The following MYO3B variants were observed in gnomAD, a reference collection of about 807,000 sequenced individuals.
MYO3B encodes myosin IIIB.
A neutral mutation model predicts 174.6 loss-of-function variants in MYO3B; 156 were observed. The observed-to-expected ratio is 0.89, with a 90% CI of 0.78 to 1.02. The LOEUF (loss-of-function observed/expected upper bound fraction) is 1.02, where lower values mean the gene tolerates loss of function less well. Ranked by LOEUF, MYO3B falls within the 50% of genes least tolerant of loss-of-function variation. The probability of loss-of-function intolerance (pLI) is 0.00; values close to 1 mark genes in which losing one functional copy is unlikely to be tolerated. For missense variants in MYO3B, 1,632 were observed against 1,639.4 expected, an observed-to-expected ratio of 1.00 and a Z score of 0.08; for synonymous variants, 563 against 569.1, an observed-to-expected ratio of 0.99 and a Z score of 0.15.
At chr2:170,344,018 C>T (rs2093996892) in intron 8 of MYO3B, among the ~76,000 whole-genome samples, 1 of 152,240 alleles carries the variant, frequency 6.6e-6, no homozygotes, top group Non-Finnish European at 1.5e-5. Context: ...GGCAGGGCCA[C>T]ATGGCAGCCA....
chr2:170,400,654 C>CG (rs778697292), intron 17 of MYO3B, among the ~76,000 whole-genome samples: 6 of 141,616 alleles, frequency 4.2e-5, no homozygotes, highest in Non-Finnish European at 6.0e-5. Context: ...CCACCCCCCC[C>CG]CCCTCGGCCT....
intron 7 of MYO3B, among the ~76,000 whole-genome samples, chr2:170,292,371 T>C (rs1344471608): frequency 6.6e-6 from 1 of 152,186 alleles, no homozygotes; most frequent in Non-Finnish European, 1.5e-5. Context: ...AAACTGCAAT[T>C]TTGAATTCCT....
At chr2:170,331,063 G>C (rs1201371515) in intron 7 of MYO3B, among the ~76,000 whole-genome samples, 1 of 152,174 alleles carries the variant, frequency 6.6e-6, no homozygotes, top group Non-Finnish European at 1.5e-5. Flanking sequence ...AAATTAGGGA[G>C]AGTATTCTAA....
chr2:170,594,825 GCGCACACACACA>G (rs1460186058), intron 32 of MYO3B, among the ~76,000 whole-genome samples: 4 of 132,640 alleles, frequency 3.0e-5, no homozygotes, highest in African/African-American at 1.2e-4. Flanking sequence ...TTCCCAGCGC[GCGCACACACACA>G]CACACACACA....
intron 7 of MYO3B, among the ~76,000 whole-genome samples, chr2:170,282,033 A>G (rs954862754): frequency 6.6e-6 from 1 of 152,046 alleles, no homozygotes; most frequent in Admixed American, 6.6e-5. Context: ...TTTTGCAAAT[A>G]TTTTCTCCCA....
chr2:170,247,135 G>A (rs749808277), intron 7 of MYO3B, among the ~76,000 whole-genome samples: 2 of 152,164 alleles, frequency 1.3e-5, no homozygotes, highest in East Asian at 1.9e-4. Flanking sequence ...GGAGCTCTAC[G>A]TTTCTTCTCT....
At chr2:170,423,006 A>G in intron 22 of MYO3B, among the ~76,000 whole-genome samples, 1 of 99,964 alleles carries the variant, frequency 1.0e-5, no homozygotes, top group African/African-American at 3.8e-5. Flanking sequence ...TTTGAGACAG[A>G]GTTTCACTCC....
chr2:170,577,733 G>A (rs1383141926), intron 32 of MYO3B, among the ~76,000 whole-genome samples: 1 of 152,160 alleles, frequency 6.6e-6, no homozygotes, highest in Non-Finnish European at 1.5e-5. Flanking sequence ...TCATTTTCCT[G>A]TGAGTGACTT....
intron 7 of MYO3B, among the ~76,000 whole-genome samples, chr2:170,311,723 G>A (rs10209565): frequency 0.69 from 105,256 of 151,814 alleles, 39,436 homozygotes; most frequent in East Asian, 0.92. Context: ...GTTCTTCTAA[G>A]AGTTTTATGG....
rs28473179 is a variant in MYO3B at position 170,412,365 on chromosome 2, A to C, written c.2650+4521A>C. On this transcript the variant is annotated intron_variant, in intron 22 of 34. Coordinates refer to ENST00000408978, the MANE Select transcript of MYO3B (RefSeq NM_138995.5). ...AACTTGGGAGAAACTAGGAAAAATA[A>C]GAATAGCACCAGAGGGAACATTCTC... 7 of 152,360 alleles carry C rather than the reference A, an allele frequency of 4.6e-5. No homozygotes were observed. The South Asian group carries it at 1.2e-3, about 27-fold the overall frequency. 9.4% of individuals were successfully genotyped at this position (152,360 alleles called of 1,614,324 possible).
In MYO3B at chr2:170,419,801, C is replaced by A. The variant is rs144604276; in HGVS notation, c.2650+11957C>A. Among the ~76,000 whole-genome samples, 31 of 152,296 alleles carry A rather than the reference C, an allele frequency of 2.0e-4. No individual in the cohort carries two copies. The East Asian group carries it at 5.2e-3, about 26-fold the overall frequency. On this transcript the variant is annotated intron_variant, in intron 22 of 34. Coordinates refer to ENST00000408978, the MANE Select transcript of MYO3B (RefSeq NM_138995.5). ...GAAGGTGAGCGGAGAGAAGAACCCT[C>A]CAAGCCCGTGAAAGCCATACATCCA...
intron 32 of MYO3B, among the ~76,000 whole-genome samples, chr2:170,593,546 T>G (rs1329377457): frequency 6.6e-6 from 1 of 152,244 alleles, no homozygotes; most frequent in Admixed American, 6.5e-5. Flanking sequence ...ATCACCAAGC[T>G]GATAAGCAGA....
At chr2:170,533,304 A>G (rs1689473793) in intron 30 of MYO3B, among the ~76,000 whole-genome samples, 1 of 151,346 alleles carries the variant, frequency 6.6e-6, no homozygotes, top group Admixed American at 6.6e-5. Flanking sequence ...GGGCCCCATC[A>G]TTTAGTGCCA....
At chr2:170,330,735 G>T (rs1253956655) in intron 7 of MYO3B, among the ~76,000 whole-genome samples, 2 of 152,120 alleles carry the variant, frequency 1.3e-5, no homozygotes, top group Non-Finnish European at 2.9e-5. Context: ...TCAGGGACCT[G>T]GCGACATTTG....
intron 21 of MYO3B, among the ~76,000 whole-genome samples, chr2:170,405,986 G>A (rs2094507002): frequency 1.3e-5 from 2 of 152,058 alleles, no homozygotes; most frequent in African/African-American, 2.4e-5. Context: ...GGTAATGCAG[G>A]AAGGTTAATA....
chr2:170,217,335 C>A lies in MYO3B; in HGVS notation c.543C>A (p.Leu181=). The A allele has an allele frequency of 6.2e-7, 1 of 1,614,084 alleles. No homozygotes were observed. The highest frequency in any genetic ancestry group is 8.5e-7 in the Non-Finnish European group (1 of 1,179,920). Residue 181 remains leucine (L), a synonymous_variant, in exon 6 of 35, where the codon CTC becomes CTA. Coordinates refer to ENST00000408978, the MANE Select transcript of MYO3B (RefSeq NM_138995.5). The part of the protein sequence containing the change: ...KLVDFGVSAQ[L]TSTRLRRNTS... ...TCCTTATAGGTGTTTCAGCTCAACT[C>A]ACCAGTACACGTCTGCGGAGAAACA...
chr2:170,479,819 T>C (rs951935750), intron 25 of MYO3B, among the ~76,000 whole-genome samples: 5 of 148,468 alleles, frequency 3.4e-5, no homozygotes, highest in Non-Finnish European at 7.4e-5. Flanking sequence ...CATATACACA[T>C]ATATAGGTTT....
intron 32 of MYO3B, among the ~76,000 whole-genome samples, chr2:170,571,577 G>T (rs955042068): frequency 4.6e-5 from 7 of 152,194 alleles, no homozygotes; most frequent in African/African-American, 1.7e-4. Context: ...TCATTTAGAA[G>T]ATTATACTGT....
intron 32 of MYO3B, among the ~76,000 whole-genome samples, chr2:170,550,904 T>A (rs1690833463): frequency 6.6e-6 from 1 of 152,110 alleles, no homozygotes; most frequent in South Asian, 2.1e-4. Context: ...CTTTATTGTT[T>A]GTTTGTTTTT....
Sources: allele counts gnomAD v4.1 joint callset (sites outside exome capture counted in the v4.1 genomes callset), GRCh38; gene constraint gnomAD v4.1.1; transcripts MANE v1.5; gene names NCBI Gene and HGNC (gene_info 2026-07-23, HGNC 2026-07-21).